Variants in ATP2C1 observed in about 807,000 individuals in gnomAD.
ATP2C1 encodes calcium-transporting ATPase type 2C member 1.
ATP2C1 carries 31 observed loss-of-function variants against 120.5 expected under a neutral mutation model. That is an observed-to-expected ratio of 0.26 (90% CI 0.19 to 0.35). The LOEUF (loss-of-function observed/expected upper bound fraction) is 0.35, where lower values mean the gene tolerates loss of function less well. Ranked by LOEUF, ATP2C1 falls within the 10% of genes least tolerant of loss-of-function variation. The pLI, the probability that ATP2C1 is intolerant of heterozygous loss-of-function variation, is 1.00. For synonymous variants in ATP2C1, 351 were observed against 358.7 expected (o/e 0.98, Z 0.24); for missense variants, 731 against 1,107.5 (o/e 0.66, Z 4.83).
intron 4 of ATP2C1, 150 bp downstream of exon 4, chr3:130,932,288 A>G (rs550186041): frequency 1.3e-5 from 8 of 629,416 alleles, no homozygotes; most frequent in African/African-American, 9.2e-5. Flanking sequence ...GTTGGGGCTT[A>G]CTGTTAGGTT....
chr3:131,015,893 T>G, intron 26 of ATP2C1: 2 of 588,428 alleles, frequency 3.4e-6, no homozygotes, highest in African/African-American at 1.9e-5. Context: ...AATGTATTAC[T>G]TAAAGGAACT....
intron 1 of ATP2C1, among the ~76,000 whole-genome samples, chr3:130,858,294 A>G (rs192904089): frequency 1.9e-4 from 29 of 152,326 alleles, no homozygotes; most frequent in South Asian, 1.0e-3. Flanking sequence ...AATATTAACC[A>G]TCACACCCCC....
At chr3:130,969,536 A>T (rs1189813611) in intron 17 of ATP2C1, 140 bp downstream of exon 17, 1 of 695,376 alleles carries the variant, frequency 1.4e-6, no homozygotes, top group East Asian at 2.7e-5. Context: ...TAGTACACTC[A>T]TCTCTTAATT....
At chr3:130,911,558 A>T (rs1335743847) in intron 2 of ATP2C1, among the ~76,000 whole-genome samples, 3 of 151,348 alleles carry the variant, frequency 2.0e-5, no homozygotes, top group African/African-American at 7.3e-5. Flanking sequence ...TCAATTTTGG[A>T]TCTTTCCTGC....
chr3:130,863,905 G>A lies in ATP2C1; in HGVS notation c.108+12977G>A, dbSNP rs956620166. Among the ~76,000 whole-genome samples the A allele has an allele frequency of 2.0e-5, 3 of 152,190 alleles. No individual in the cohort carries two copies. The East Asian group carries it at 5.8e-4, about 29-fold the overall frequency. ...TAAACCTCTTTTGCTTCCCAGTCTC[G>A]GGCATATCTTTATCAGCAGCATGAA... On this transcript the variant is annotated intron_variant, in intron 1 of 26. Transcript: ENST00000504381.
chr3:130,931,572 AG>A (rs779363365), intron 3 of ATP2C1, among the ~76,000 whole-genome samples: 10 of 152,104 alleles, frequency 6.6e-5, no homozygotes, highest in Non-Finnish European at 1.3e-4. Flanking sequence ...AAAAGGAAAA[AG>A]CTAATTAAAA....
intron 8 of ATP2C1, among the ~76,000 whole-genome samples, chr3:130,947,434 T>G (rs1182546700): frequency 6.6e-6 from 1 of 152,170 alleles, no homozygotes; most frequent in Non-Finnish European, 1.5e-5. Context: ...TAGCATTCAT[T>G]CTGTATTTTC....
At chr3:130,939,888 C>G (rs761504515) in intron 6 of ATP2C1, among the ~76,000 whole-genome samples, 18 of 152,186 alleles carry the variant, frequency 1.2e-4, no homozygotes, top group Non-Finnish European at 2.5e-4. Flanking sequence ...TTGCCTCTCC[C>G]TCTTTTGACC....
intron 14 of ATP2C1, 56 bp downstream of exon 14, chr3:130,965,101 T>C: frequency 4.1e-6 from 5 of 1,232,658 alleles, no homozygotes; most frequent in Non-Finnish European, 6.0e-6. Flanking sequence ...AGAAACTTGG[T>C]GTTTAACATT....
intron 17 of ATP2C1, among the ~76,000 whole-genome samples, chr3:130,970,369 T>TACACACACAC (rs201337484): frequency 0.026 from 3,407 of 130,668 alleles, 127 homozygotes; most frequent in East Asian, 0.068. Flanking sequence ...AAAAAAAAAT[T>TACACACACAC]ACACACACAC....
intron 18 of ATP2C1, among the ~76,000 whole-genome samples, chr3:130,977,527 T>G (rs2061577883): frequency 6.6e-6 from 1 of 152,176 alleles, no homozygotes; most frequent in Non-Finnish European, 1.5e-5. Context: ...TTAGAGGACT[T>G]AAAGAGGTCT....
intron 1 of ATP2C1, among the ~76,000 whole-genome samples, chr3:130,861,983 AT>A (rs897326599): frequency 6.6e-6 from 1 of 151,726 alleles, no homozygotes; most frequent in Non-Finnish European, 1.5e-5. Flanking sequence ...AATTAAAAAA[AT>A]TTTTTTTGAG....
At chr3:130,953,428 C>T (rs1036750611) in intron 8 of ATP2C1, among the ~76,000 whole-genome samples, 6 of 150,996 alleles carry the variant, frequency 4.0e-5, no homozygotes, top group Non-Finnish European at 5.9e-5. Flanking sequence ...TTTCAGTCAT[C>T]GTCGATGGTT....
intron 10 of ATP2C1, 60 bp downstream of exon 10, chr3:130,955,140 T>A: frequency 8.8e-7 from 1 of 1,137,060 alleles, no homozygotes; most frequent in Non-Finnish European, 1.3e-6. Flanking sequence ...TCATTGTAAG[T>A]AGAGAATGTT....
intron 2 of ATP2C1, chr3:130,919,038 G>A (rs2058818595): frequency 4.1e-6 from 2 of 490,498 alleles, no homozygotes; most frequent in Admixed American, 2.3e-5. Context: ...GGAAGCTCCT[G>A]CCATTACACT....
intron 2 of ATP2C1, among the ~76,000 whole-genome samples, chr3:130,909,419 T>C (rs2058287942): frequency 6.6e-6 from 1 of 152,246 alleles, no homozygotes; most frequent in Non-Finnish European, 1.5e-5. Context: ...TCATATCCTT[T>C]ATTTAGAAAT....
chr3:130,880,480 A>G (rs2068746035), intron 1 of ATP2C1, among the ~76,000 whole-genome samples: 1 of 152,216 alleles, frequency 6.6e-6, no homozygotes, highest in South Asian at 2.1e-4. Flanking sequence ...TACCTTCTAT[A>G]ATCAAGGAAG....
At chr3:130,862,263 A>G (rs1003674335) in intron 1 of ATP2C1, among the ~76,000 whole-genome samples, 1 of 150,836 alleles carries the variant, frequency 6.6e-6, no homozygotes, top group Non-Finnish European at 1.5e-5. Context: ...GATTATAGGC[A>G]TGAGCCACTG....
At chr3:130,994,544 A>G (rs752445672) in intron 22 of ATP2C1, among the ~76,000 whole-genome samples, 1 of 152,176 alleles carries the variant, frequency 6.6e-6, no homozygotes, top group Non-Finnish European at 1.5e-5. Context: ...TTAAATTTAA[A>G]TAGCTCTATT....
Sources: gnomAD v4.1 joint callset for allele counts (sites outside exome capture counted in the v4.1 genomes callset) on GRCh38, gnomAD v4.1.1 for gene constraint, MANE v1.5 for transcripts, NCBI Gene and HGNC (gene_info 2026-07-23, HGNC 2026-07-21) for gene names.